FGFR2: variants seen among roughly 807,000 people sequenced by gnomAD.
The protein encoded by FGFR2 is fibroblast growth factor receptor 2, also known as BEK fibroblast growth factor receptor.
Under a neutral mutation model 95.9 loss-of-function variants are expected in FGFR2, and 19 were observed. The observed-to-expected ratio is 0.20, with a 90% confidence interval of 0.14 to 0.29. The LOEUF (loss-of-function observed/expected upper bound fraction) is 0.29. FGFR2 is among the 10% of genes least tolerant of loss of function. The pLI, the probability that FGFR2 is intolerant of heterozygous loss-of-function variation, is 1.00. For synonymous variants in FGFR2, 392 were observed against 393.3 expected (o/e 1.00, Z 0.04); for missense variants, 707 against 1,056.9 (o/e 0.67, Z 4.59).
chr10:121,593,864 G>A lies in FGFR2; in HGVS notation c.-47C>T, dbSNP rs755803072. ...TCCTCTTCCATATCTCCATGTGGAC[G>A]TTAATCCCATCTGCACACTTCCTCT... On this transcript the variant is annotated 5_prime_UTR_variant, in exon 2 of 18. In the 5' UTR this introduces an upstream ATG that the reference lacks. Coordinates refer to ENST00000358487, the MANE Select transcript of FGFR2 (RefSeq NM_000141.5). 18 of 1,544,010 alleles carry A rather than the reference G, an allele frequency of 1.2e-5. No homozygotes were observed. The highest frequency in any genetic ancestry group is 2.2e-5 in the East Asian group (1 of 44,566).
intron 4 of FGFR2, among the ~76,000 whole-genome samples, chr10:121,562,849 T>C (rs1343447060): frequency 6.6e-6 from 1 of 152,240 alleles, no homozygotes; most frequent in Non-Finnish European, 1.5e-5. Flanking sequence ...GGTGGGGATG[T>C]TGATAACAGG....
At position 121,479,487 on chromosome 10, in the gene FGFR2, C is replaced by A; in HGVS notation, c.*370G>T. 1 of 854,152 alleles carries A rather than the reference C, an allele frequency of 1.2e-6. No individual in the cohort carries two copies. Among genetic ancestry groups the A allele is most frequent in the Non-Finnish European group, 1.8e-6 (1 of 553,380 alleles). The allele number at this position is 854,152 out of a possible 1,614,324, so 52.9% of individuals were successfully genotyped here. On this transcript the variant is annotated 3_prime_UTR_variant, in exon 18 of 18. Transcript: ENST00000358487. ...TTTACATACATCCAGCACCTATATA[C>A]TGCATTTGTGCTCTGTAAGTGTGTG...
At chr10:121,505,779 C>T (rs1003880465) in intron 9 of FGFR2, among the ~76,000 whole-genome samples, 1 of 152,222 alleles carries the variant, frequency 6.6e-6, no homozygotes, top group African/African-American at 2.4e-5. Context: ...AACATCAAGA[C>T]TTCCAGTTTG....
chr10:121,594,182 C>A (rs180950350), intron 1 of FGFR2: 28 of 448,442 alleles, frequency 6.2e-5, no homozygotes, highest in African/African-American at 5.1e-4. Flanking sequence ...TAAAAGCATA[C>A]TTTTAAGAAA....
chr10:121,518,174 C>T lies in FGFR2; in HGVS notation c.940-711G>A, dbSNP rs774114319. 2.0e-5 allele frequency: 6 copies of T among 302,250 alleles called. No homozygotes were observed. Among genetic ancestry groups the T allele is most frequent in the Admixed American group, 4.9e-5 (1 of 20,236 alleles). 18.7% of individuals were successfully genotyped at this position (302,250 alleles called of 1,614,324 possible). On this transcript the variant is annotated intron_variant, in intron 7 of 17. Coordinates refer to ENST00000358487, the MANE Select transcript of FGFR2 (RefSeq NM_000141.5). This position sits in a 1 kb window ranked among gnomAD's most constrained non-coding sequence, Gnocchi z 4.0. ...CCAGTAGTACATTCATTAAGATGAG[C>T]TCCCCTCAAATTTGGTGCAACAAGG...
intron 5 of FGFR2, among the ~76,000 whole-genome samples, chr10:121,545,634 A>T (rs1854387936): frequency 6.6e-6 from 1 of 152,216 alleles, no homozygotes; most frequent in South Asian, 2.1e-4. Flanking sequence ...ATCTCCATAA[A>T]GTATAAACAT....
At chr10:121,487,313 C>G (rs1174553219) in intron 15 of FGFR2, 41 bp downstream of exon 15, 1 of 1,531,624 alleles carries the variant, frequency 6.5e-7, no homozygotes, top group Admixed American at 1.7e-5. Context: ...ATTTTTGCAG[C>G]TCAAGCCCAG....
intron 1 of FGFR2, 43 bp downstream of exon 1, chr10:121,597,919 C>G: frequency 2.6e-6 from 1 of 390,392 alleles, no homozygotes; most frequent in Non-Finnish European, 4.5e-6. Context: ...CGCCCACGTC[C>G]CCGGCTGGCG....
At chr10:121,529,266 G>A (rs1465395636) in intron 6 of FGFR2, among the ~76,000 whole-genome samples, 2 of 152,078 alleles carry the variant, frequency 1.3e-5, no homozygotes, top group East Asian at 3.9e-4. Flanking sequence ...ACAACACCAC[G>A]CCTGGCTAAT....
At chr10:121,565,957 C>T (rs1857611409) in intron 2 of FGFR2, 1 of 572,346 alleles carries the variant, frequency 1.7e-6, no homozygotes, top group African/African-American at 1.9e-5. Context: ...AGAAACAAAC[C>T]AAACCATAGC....
Position 121,479,492 on chromosome 10 carries a change from T to C in FGFR2, c.*365A>G. Reference sequence around the variant, plus strand: ...ATACATCCAGCACCTATATACTGCATTTGTGCTCTGTAAGTGTGTGCTGAC... The same window carrying C: ...ATACATCCAGCACCTATATACTGCACTTGTGCTCTGTAAGTGTGTGCTGAC... On this transcript the variant is annotated 3_prime_UTR_variant, in exon 18 of 18. Transcript: ENST00000358487. 2.1e-6 allele frequency: 2 copies of C among 966,676 alleles called. No homozygotes were observed. Among genetic ancestry groups the C allele is most frequent in the Non-Finnish European group, 3.1e-6 (2 of 648,456 alleles). 59.9% of individuals were successfully genotyped at this position (966,676 alleles called of 1,614,324 possible). A position where few individuals can be genotyped will look rare whatever the true frequency, so the allele number is the denominator to read the frequency against.
At chr10:121,542,747 C>A (rs1008333750) in intron 5 of FGFR2, among the ~76,000 whole-genome samples, 1 of 152,140 alleles carries the variant, frequency 6.6e-6, no homozygotes, top group African/African-American at 2.4e-5. Context: ...ACCCTATCCA[C>A]ACAAAGACAC....
rs751077552 is a variant in FGFR2 at position 121,496,717 on chromosome 10, G to C, written c.1678C>G (p.Leu560Val). 1 of 1,612,010 alleles carries C rather than the reference G, an allele frequency of 6.2e-7. No individual in the cohort carries two copies. Among genetic ancestry groups the C allele is most frequent in the Non-Finnish European group, 8.5e-7 (1 of 1,179,984 alleles). Residue 560 changes from leucine to valine, a missense_variant, in exon 13 of 18, where the codon CTC becomes GTC. By Grantham distance (32) the Leu-to-Val change is conservative (BLOSUM62 1). This residue lies in a region of FGFR2 where 194 missense variants were observed against 267.3 expected (regional missense o/e 0.73). Coordinates refer to ENST00000358487, the MANE Select transcript of FGFR2 (RefSeq NM_000141.5). ...GAGGCATACTCAACTATGACATAGAGAGGCCCTGTTGAGGAAGAAGAGAAG... is the reference window on the plus strand; with the variant it reads ...GAGGCATACTCAACTATGACATAGACAGGCCCTGTTGAGGAAGAAGAGAAG... ...LLGACTQDGP[L>V]YVIVEYASKG...
intron 6 of FGFR2, among the ~76,000 whole-genome samples, chr10:121,527,173 A>G (rs1270888057): frequency 6.6e-6 from 1 of 152,166 alleles, no homozygotes; most frequent in Non-Finnish European, 1.5e-5. Flanking sequence ...TTCCCTAATT[A>G]ATGTTACAGG....
intron 6 of FGFR2, among the ~76,000 whole-genome samples, chr10:121,524,565 C>T (rs915404248): frequency 3.3e-5 from 5 of 152,192 alleles, no homozygotes; most frequent in African/African-American, 7.2e-5. Context: ...ATCTGCCGAA[C>T]GCTGCGCTCC....
Position 121,558,888 on chromosome 10 carries a change from T to G in FGFR2, c.454+5614A>C, listed in dbSNP as rs181390654. On this transcript the variant is annotated intron_variant, in intron 4 of 17. Coordinates refer to ENST00000358487, the MANE Select transcript of FGFR2 (RefSeq NM_000141.5). The stretch of plus-strand genomic sequence containing the variant: ...ATCCATGAGCCACCGCGCCCGATCT[T>G]TAATTCTTCATTGTTATTTTTGCCA... Among the ~76,000 whole-genome samples the G allele has an allele frequency of 9.7e-4, 147 of 152,094 alleles. 1 individual carries two copies. Among genetic ancestry groups the G allele is most frequent in the African/African-American group, 3.3e-3 (135 of 41,524 alleles).
At chr10:121,515,401 A>C in intron 8 of FGFR2, 82 bp from the exon 9 acceptor site, 1 of 1,358,500 alleles carries the variant, frequency 7.4e-7, no homozygotes, top group South Asian at 1.2e-5. Context: ...TAGCACAACC[A>C]AAGGAACCAA....
intron 9 of FGFR2, among the ~76,000 whole-genome samples, chr10:121,507,385 C>T (rs1312754467): frequency 3.9e-5 from 6 of 152,072 alleles, no homozygotes; most frequent in Non-Finnish European, 7.4e-5. Context: ...GTCAGGAGTT[C>T]GAGACCAGCC....
At chr10:121,493,889 C>G (rs1240484735) in intron 13 of FGFR2, among the ~76,000 whole-genome samples, 1 of 152,124 alleles carries the variant, frequency 6.6e-6, no homozygotes. Flanking sequence ...GAAGCTGCAC[C>G]ACCATCCAGT....
Sources: gnomAD v4.1 joint callset for allele counts (sites outside exome capture counted in the v4.1 genomes callset) on GRCh38, gnomAD v4.1.1 for gene constraint, gnomAD v4.1.1 regional missense constraint, Gnocchi (gnomAD v3.1) non-coding constraint, MANE v1.5 for transcripts, NCBI Gene and HGNC (gene_info 2026-07-23, HGNC 2026-07-21) for gene names.